Variants in MED12L observed in about 807,000 individuals in gnomAD.
MED12L encodes mediator of RNA polymerase II transcription subunit 12-like protein.
A neutral mutation model predicts 281.3 loss-of-function variants in MED12L; 60 were observed. That is an observed-to-expected ratio of 0.21 (90% confidence interval 0.17 to 0.26). The LOEUF (loss-of-function observed/expected upper bound fraction) is 0.26. Among genes scored for constraint, MED12L ranks in the 10% least tolerant of loss-of-function variants. MED12L has a pLI of 1.00. For missense variants in MED12L, 2,146 were observed against 2,680.9 expected (o/e 0.80, Z 4.41); for synonymous variants, 974 against 987.2 (o/e 0.99, Z 0.25).
At chr3:151,149,388 A>G (rs1040698784) in intron 5 of MED12L, among the ~76,000 whole-genome samples, 1 of 152,244 alleles carries the variant, frequency 6.6e-6, no homozygotes, top group African/African-American at 2.4e-5. Flanking sequence ...TTATGTTTAC[A>G]CTGTATTGTA....
At chr3:151,263,551 A>G (rs1882014) in intron 16 of MED12L, among the ~76,000 whole-genome samples, 69,895 of 152,022 alleles carry the variant, frequency 0.46, 16,249 homozygotes, top group Middle Eastern at 0.65. Flanking sequence ...CATGAGCTTT[A>G]CGTGTTTTAT....
At position 151,211,952 on chromosome 3, in the gene MED12L, ACTT is replaced by A. The variant is rs1005683130; in HGVS notation, c.2250+18292_2250+18294del. Among the ~76,000 whole-genome samples, 30 of 152,304 alleles carry A rather than the reference ACTT, an allele frequency of 2.0e-4. 1 individual carries two copies. The highest frequency in any genetic ancestry group is 6.5e-4 in the Admixed American group (10 of 15,300). On this transcript the variant is annotated intron_variant, in intron 16 of 44. Transcript: ENST00000687756. Reference sequence around the variant, plus strand: ...TGAGCCACCATGCCCTATCTGGAGTACTTCTTCTGAAAAGTCACTGGCAGATAG... The same window carrying A: ...TGAGCCACCATGCCCTATCTGGAGTACTTCTGAAAAGTCACTGGCAGATAG...
chr3:151,103,226 C>T (rs1576729232), intron 2 of MED12L, among the ~76,000 whole-genome samples: 1 of 152,224 alleles, frequency 6.6e-6, no homozygotes, highest in East Asian at 1.9e-4. Flanking sequence ...TATTTTTCTC[C>T]TGCAGTTTCC....
At chr3:151,391,580 A>G (rs1023808584) in intron 38 of MED12L, among the ~76,000 whole-genome samples, 1 of 152,184 alleles carries the variant, frequency 6.6e-6, no homozygotes, top group African/African-American at 2.4e-5. Context: ...TAGGCGATCA[A>G]CTACAAAAAA....
rs112203020 is a variant in MED12L, at chr3:151,300,608, A to G, written c.2251-49451A>G. ...GGGAACTGTTCTGGAAAGTGCAGCT[A>G]AAGTAAAATATGCTTATAGGACAGT... is the stretch of plus-strand genomic sequence containing the variant. On this transcript the variant is annotated intron_variant, in intron 16 of 44. Coordinates refer to ENST00000687756, the MANE Select transcript of MED12L (RefSeq NM_001393769.1). 6.5e-3 allele frequency among the ~76,000 whole-genome samples: 993 copies of G among 152,344 alleles called. 8 individuals carry two copies. The highest frequency in any genetic ancestry group is 0.015 in the South Asian group (71 of 4,824).
chr3:151,360,423 C>T, intron 20 of MED12L, 51 bp from the exon 21 acceptor site: 2 of 1,549,462 alleles, frequency 1.3e-6, no homozygotes, highest in Non-Finnish European at 1.8e-6. Context: ...CAAATGATAA[C>T]CCACATAGTA....
rs530725124 is a variant in MED12L at position 151,181,216 on chromosome 3, AATAT to A, written c.1495-4111_1495-4108del. 8.5e-3 allele frequency among the ~76,000 whole-genome samples: 1,301 copies of A among 152,286 alleles called. 13 individuals are homozygous for A. Among genetic ancestry groups the A allele is most frequent in the Non-Finnish European group, 0.013 (876 of 68,026 alleles). ...ATTTTATCTCTTTGGTATTAAAAAT[AATAT>A]ATGTTCGTTTAAAATTTGGAATATA... On this transcript the variant is annotated intron_variant, in intron 11 of 44. Transcript: ENST00000687756.
intron 43 of MED12L, among the ~76,000 whole-genome samples, chr3:151,418,114 C>A (rs1011380058): frequency 6.6e-6 from 1 of 152,146 alleles, no homozygotes; most frequent in East Asian, 1.9e-4. Flanking sequence ...AAGCCCTTTA[C>A]CCAGATTTAC....
chr3:151,146,256 C>T (rs1181272459), intron 5 of MED12L, among the ~76,000 whole-genome samples: 5 of 152,158 alleles, frequency 3.3e-5, no homozygotes, highest in Non-Finnish European at 7.4e-5. Flanking sequence ...CCTTCCTGCG[C>T]CTCACTGGTG....
intron 16 of MED12L, among the ~76,000 whole-genome samples, chr3:151,251,335 C>T (rs886854823): frequency 6.6e-6 from 1 of 152,134 alleles, no homozygotes; most frequent in African/African-American, 2.4e-5. Flanking sequence ...AACAATTAAA[C>T]ACTCTGTCTC....
At chr3:151,385,638 G>A (rs944782884) in intron 36 of MED12L, among the ~76,000 whole-genome samples, 1 of 151,410 alleles carries the variant, frequency 6.6e-6, no homozygotes, top group Non-Finnish European at 1.5e-5. Flanking sequence ...GGAGTTTAAG[G>A]CTGCAATGTG....
At chr3:151,112,526 T>C (rs919146121) in intron 2 of MED12L, among the ~76,000 whole-genome samples, 1 of 152,206 alleles carries the variant, frequency 6.6e-6, no homozygotes, top group African/African-American at 2.4e-5. Flanking sequence ...ATGCCAGTGC[T>C]CCAGGGCCAT....
chr3:151,343,686 G>T (rs1206401938), intron 16 of MED12L, among the ~76,000 whole-genome samples: 1 of 152,148 alleles, frequency 6.6e-6, no homozygotes. Context: ...ACTTTGGTTG[G>T]TTTGGTTATT....
chr3:151,141,651 A>C (rs1717050726), intron 5 of MED12L, among the ~76,000 whole-genome samples: 1 of 152,228 alleles, frequency 6.6e-6, no homozygotes, highest in South Asian at 2.1e-4. Context: ...CTAGCCTTTA[A>C]GTAAGAATTG....
chr3:151,170,956 G>C (rs1477134586), intron 11 of MED12L, among the ~76,000 whole-genome samples: 1 of 152,136 alleles, frequency 6.6e-6, no homozygotes, highest in Non-Finnish European at 1.5e-5. Context: ...ACTGTTCCCT[G>C]ATCATCCAAC....
At chr3:151,312,055 C>CAT (rs869069292) in intron 16 of MED12L, among the ~76,000 whole-genome samples, 2 of 124,416 alleles carry the variant, frequency 1.6e-5, no homozygotes, top group Admixed American at 1.6e-4. Flanking sequence ...AACAACAACA[C>CAT]AAAAACAATT....
At chr3:151,243,760 A>T (rs1172687612) in intron 16 of MED12L, among the ~76,000 whole-genome samples, 3 of 151,796 alleles carry the variant, frequency 2.0e-5, no homozygotes, top group Admixed American at 1.3e-4. Context: ...AAATTCACAC[A>T]TAACAATATT....
chr3:151,214,213 G>T lies in MED12L; in HGVS notation c.2250+20547G>T, dbSNP rs554481832. On this transcript the variant is annotated intron_variant, in intron 16 of 44. Coordinates refer to ENST00000687756, the MANE Select transcript of MED12L (RefSeq NM_001393769.1). Reference sequence around the variant, plus strand: ...TGACACTCCATTGAGTAGGATTCCTGCAATGAAGACCATACAGTACAGCAC... The same window carrying T: ...TGACACTCCATTGAGTAGGATTCCTTCAATGAAGACCATACAGTACAGCAC... 1 of 1,613,762 alleles carries T rather than the reference G, an allele frequency of 6.2e-7. No homozygotes were observed. The highest frequency in any genetic ancestry group is 1.3e-5 in the African/African-American group (1 of 75,018).
In MED12L at chr3:151,376,831, G is replaced by C. The variant is rs778128821; in HGVS notation, c.4085G>C (p.Trp1362Ser). 1 of 1,613,974 alleles carries C rather than the reference G, an allele frequency of 6.2e-7. No homozygotes were observed. Among genetic ancestry groups the C allele is most frequent in the South Asian group, 1.1e-5 (1 of 91,080 alleles). ...NLEQWTLRQS[W>S]LELQLMIKQC... The stretch of plus-strand genomic sequence containing the variant: ...GAGCAGTGGACACTGAGGCAATCCT[G>C]GTTAGAACTCCAGCTAATGATCAAA... Residue 1362 changes from tryptophan to serine, a missense_variant, in exon 29 of 45, where the codon TGG (tryptophan) becomes TCG (serine). Transcript: ENST00000687756.
Sources: gnomAD v4.1 joint callset for allele counts (sites outside exome capture counted in the v4.1 genomes callset) on GRCh38, gnomAD v4.1.1 for gene constraint, MANE v1.5 for transcripts, NCBI Gene and HGNC (gene_info 2026-07-23, HGNC 2026-07-21) for gene names.